Variants in CYP20A1 observed in about 807,000 individuals in gnomAD.
CYP20A1 encodes the protein cytochrome P450 family 20 subfamily A member 1, also known as cytochrome P450 20A1.
Under a neutral mutation model 61.4 loss-of-function variants are expected in CYP20A1, and 61 were observed. The ratio of observed to expected loss-of-function variants is 0.99; its 90% CI spans 0.81 to 1.23. The LOEUF (loss-of-function observed/expected upper bound fraction) is 1.23. Ranked by LOEUF, CYP20A1 falls within the 50% of genes most tolerant of loss-of-function variation. The pLI is 0.00. For synonymous variants in CYP20A1, 193 were observed against 188.2 expected, an observed-to-expected ratio of 1.03 and a Z score of -0.21; for missense variants, 530 against 542.4, an observed-to-expected ratio of 0.98 and a Z score of 0.23.
At chr2:203,243,076 ATCT>A (rs1292697845) in intron 1 of CYP20A1, among the ~76,000 whole-genome samples, 2 of 152,142 alleles carry the variant, frequency 1.3e-5, no homozygotes, top group Non-Finnish European at 2.9e-5. Flanking sequence ...CACTCTCCAA[ATCT>A]TCTAGATAAC....
chr2:203,275,430 T>A (rs2067775361), intron 6 of CYP20A1, among the ~76,000 whole-genome samples: 1 of 152,090 alleles, frequency 6.6e-6, no homozygotes, highest in Non-Finnish European at 1.5e-5. Context: ...CTTATTTTCT[T>A]TTCTTTTTTT....
In CYP20A1 at chr2:203,245,897, T is replaced by C; in HGVS notation, c.122+2T>C. 1 of 1,578,330 alleles carries C rather than the reference T, an allele frequency of 6.3e-7. No individual in the cohort carries two copies. Among genetic ancestry groups the C allele is most frequent in the Non-Finnish European group, 8.7e-7 (1 of 1,151,950 alleles). ...AGGGATTACTCCAACTGAAGAAAAG[T>C]GAGTAATTATTTTCTTGGAATTAAG... On this transcript the variant is annotated splice_donor_variant, in intron 2 of 12. Coordinates refer to ENST00000356079, the MANE Select transcript of CYP20A1 (RefSeq NM_177538.3). LOFTEE classifies it high-confidence loss of function.
intron 6 of CYP20A1, among the ~76,000 whole-genome samples, chr2:203,274,403 C>A (rs2067729745): frequency 6.6e-6 from 1 of 152,100 alleles, no homozygotes. Context: ...CCAGACTGGT[C>A]TTGAACTCCT....
intron 4 of CYP20A1, among the ~76,000 whole-genome samples, chr2:203,253,227 C>T (rs1344469695): frequency 3.3e-5 from 5 of 152,188 alleles, no homozygotes; most frequent in Non-Finnish European, 5.9e-5. Context: ...GTTCCTGAAG[C>T]GCACTGTTTC....
chr2:203,273,664 C>T lies in CYP20A1; in HGVS notation c.679+916C>T, dbSNP rs554547203. The stretch of plus-strand genomic sequence containing the variant: ...AAATTTAAAAAATTAGCAACATAGG[C>T]CCAGTGCGGTAGCTCACACCTGCAA... On this transcript the variant is annotated intron_variant, in intron 6 of 12. Transcript: ENST00000356079. 3.9e-5 allele frequency among the ~76,000 whole-genome samples: 6 copies of T among 152,188 alleles called. No homozygotes were observed. The South Asian group carries it at 1.0e-3, about 26-fold the overall frequency.
intron 9 of CYP20A1, among the ~76,000 whole-genome samples, chr2:203,287,314 A>G (rs760190049): frequency 2.6e-5 from 4 of 151,638 alleles, no homozygotes; most frequent in Non-Finnish European, 5.9e-5. Context: ...GACTGTAACT[A>G]TTATTTTAAA....
chr2:203,253,289 G>A (rs2066766162), intron 4 of CYP20A1, among the ~76,000 whole-genome samples: 1 of 152,192 alleles, frequency 6.6e-6, no homozygotes, highest in African/African-American at 2.4e-5. Flanking sequence ...CTGGGTAGGG[G>A]CGCCAGGTCA....
intron 11 of CYP20A1, among the ~76,000 whole-genome samples, chr2:203,293,092 T>TG (rs772244441): frequency 1.3e-4 from 19 of 151,472 alleles, no homozygotes; most frequent in Non-Finnish European, 2.4e-4. Flanking sequence ...GAGAATCACT[T>TG]GAACCTGGGA....
intron 4 of CYP20A1, among the ~76,000 whole-genome samples, chr2:203,255,161 C>T (rs1449012886): frequency 1.3e-5 from 2 of 152,046 alleles, no homozygotes; most frequent in African/African-American, 4.8e-5. Flanking sequence ...TTCTCTTTCC[C>T]CTTTCCTTCC....
At chr2:203,293,816 C>T (rs1033421345) in intron 11 of CYP20A1, among the ~76,000 whole-genome samples, 14 of 151,964 alleles carry the variant, frequency 9.2e-5, no homozygotes, top group African/African-American at 2.4e-4. Flanking sequence ...GAGTTTAAGT[C>T]GTTTAAAAAT....
At chr2:203,259,313 A>C (rs1459893592) in intron 4 of CYP20A1, among the ~76,000 whole-genome samples, 2 of 152,174 alleles carry the variant, frequency 1.3e-5, no homozygotes, top group African/African-American at 4.8e-5. Context: ...TCCCTGCGCA[A>C]ATCTCATGTT....
chr2:203,261,298 T>G (rs2152069437), intron 4 of CYP20A1, among the ~76,000 whole-genome samples: 1 of 151,738 alleles, frequency 6.6e-6, no homozygotes, highest in South Asian at 2.1e-4. Flanking sequence ...TAACTTATGC[T>G]TATAATCCCA....
Position 203,272,741 on chromosome 2 carries a change from T to G in CYP20A1, c.672T>G (p.Tyr224Ter). Reference sequence around the variant, plus strand: ...AAAACATGACTCGGAAAAAACAATATGAAGATGGTAAGTTTGGTCACTTAA... The same window carrying G: ...AAAACATGACTCGGAAAAAACAATAGGAAGATGGTAAGTTTGGTCACTTAA... Reference protein sequence around the residue: ...LDKNMTRKKQYEDALMQLESV... With the variant: ...LDKNMTRKKQ The change falls in exon 6 of 13, where the codon TAT becomes TAG. Residue 224 changes from tyrosine to a stop codon, truncating the protein, a stop_gained. Coordinates refer to ENST00000356079, the MANE Select transcript of CYP20A1 (RefSeq NM_177538.3). LOFTEE classifies it high-confidence loss of function. 1 of 1,594,432 alleles carries G rather than the reference T, an allele frequency of 6.3e-7. No individual in the cohort carries two copies. Among genetic ancestry groups the G allele is most frequent in the Non-Finnish European group, 8.5e-7 (1 of 1,172,238 alleles).
At chr2:203,246,261 C>T (rs1479840455) in intron 2 of CYP20A1, among the ~76,000 whole-genome samples, 3 of 152,182 alleles carry the variant, frequency 2.0e-5, no homozygotes, top group Non-Finnish European at 4.4e-5. Context: ...TTTGATTGCC[C>T]TAAATTTACC....
chr2:203,261,605 TAAAAAAAA>T (rs36092540), intron 4 of CYP20A1, among the ~76,000 whole-genome samples: 2 of 74,362 alleles, frequency 2.7e-5, no homozygotes, highest in African/African-American at 1.1e-4. Context: ...CTTTGTCACC[TAAAAAAAA>T]AAAAAAAAAA....
At chr2:203,273,525 C>T (rs2067691224) in intron 6 of CYP20A1, among the ~76,000 whole-genome samples, 1 of 152,088 alleles carries the variant, frequency 6.6e-6, no homozygotes, top group Non-Finnish European at 1.5e-5. Flanking sequence ...AAATGGCGGC[C>T]ATGGCAGCAC....
At chr2:203,253,982 C>G (rs937145218) in intron 4 of CYP20A1, among the ~76,000 whole-genome samples, 5 of 151,920 alleles carry the variant, frequency 3.3e-5, no homozygotes, top group African/African-American at 1.2e-4. Context: ...GAGTCTCACT[C>G]TGTCGCCCAG....
chr2:203,272,767 T>A lies in CYP20A1; in HGVS notation c.679+19T>A. On this transcript the variant is annotated intron_variant, in intron 6 of 12. Transcript: ENST00000356079. ...GAAGATGGTAAGTTTGGTCACTTAA[T>A]TTTTAGTGAGGACAAAAAATAAATG... 6.7e-7 allele frequency: 1 copy of A among 1,485,220 alleles called. No individual in the cohort carries two copies. The highest frequency in any genetic ancestry group is 9.3e-7 in the Non-Finnish European group (1 of 1,077,514). 92.0% of individuals were successfully genotyped at this position (1,485,220 alleles called of 1,614,324 possible). A position where few individuals can be genotyped will look rare whatever the true frequency, so the allele number is the denominator to read the frequency against.
intron 5 of CYP20A1, among the ~76,000 whole-genome samples, chr2:203,268,223 T>C (rs2067414347): frequency 1.3e-5 from 2 of 152,206 alleles, no homozygotes; most frequent in Admixed American, 6.5e-5. Context: ...CGAGCAAGGA[T>C]ATTCTCTTAT....
Sources: allele counts gnomAD v4.1 joint callset (sites outside exome capture counted in the v4.1 genomes callset), GRCh38; gene constraint gnomAD v4.1.1; transcripts MANE v1.5; gene names NCBI Gene and HGNC (gene_info 2026-07-23, HGNC 2026-07-21).